ACOXL: variants seen among roughly 807,000 people sequenced by gnomAD.
The protein encoded by ACOXL is acyl-coenzyme A oxidase-like protein.
ACOXL carries 70 observed loss-of-function variants against 71.9 expected under a neutral mutation model. That is an observed-to-expected ratio of 0.97 (90% CI 0.80 to 1.19). ACOXL has a LOEUF of 1.19. Ranked by LOEUF, ACOXL falls within the 50% of genes most tolerant of loss-of-function variation. The pLI is 0.00. For synonymous variants in ACOXL, 253 were observed against 281.6 expected, an observed-to-expected ratio of 0.90 and a Z score of 1.02; for missense variants, 703 against 736.3, an observed-to-expected ratio of 0.95 and a Z score of 0.52.
At chr2:111,058,039 C>CT (rs2066635156) in intron 16 of ACOXL, among the ~76,000 whole-genome samples, 1 of 152,172 alleles carries the variant, frequency 6.6e-6, no homozygotes, top group Admixed American at 6.5e-5. Flanking sequence ...GTGCACAGCT[C>CT]TGGGGGCAGA....
intron 10 of ACOXL, among the ~76,000 whole-genome samples, chr2:110,903,507 C>T (rs2059326310): frequency 6.6e-6 from 1 of 152,218 alleles, no homozygotes; most frequent in Non-Finnish European, 1.5e-5. Flanking sequence ...GCACAAGCAC[C>T]ACTTTTTGAT....
chr2:110,914,630 T>C (rs1233310277), intron 11 of ACOXL, among the ~76,000 whole-genome samples: 1 of 152,192 alleles, frequency 6.6e-6, no homozygotes, highest in East Asian at 1.9e-4. Context: ...GTTTTACTTA[T>C]TTTTTCCAAT....
At chr2:110,763,599 T>C (rs1032294190) in intron 1 of ACOXL, among the ~76,000 whole-genome samples, 1 of 152,048 alleles carries the variant, frequency 6.6e-6, no homozygotes, top group Non-Finnish European at 1.5e-5. Flanking sequence ...TCCTAGGAGA[T>C]CTAGAAGAAA....
At chr2:111,019,853 CTTTCTT>C (rs1229523147) in intron 14 of ACOXL, among the ~76,000 whole-genome samples, 1 of 152,100 alleles carries the variant, frequency 6.6e-6, no homozygotes, top group African/African-American at 2.4e-5. Context: ...ACTGAATTCA[CTTTCTT>C]TTTCTTTTTC....
intron 12 of ACOXL, among the ~76,000 whole-genome samples, chr2:110,974,511 C>T (rs1345098989): frequency 6.6e-6 from 1 of 152,216 alleles, no homozygotes; most frequent in African/African-American, 2.4e-5. Flanking sequence ...CCCATTATAA[C>T]TTTCTTTTGC....
At chr2:111,101,783 G>C (rs1475380564) in intron 17 of ACOXL, 4 of 152,590 alleles carry the variant, frequency 2.6e-5, no homozygotes, top group Admixed American at 1.3e-4. Flanking sequence ...ACTGAAGCTG[G>C]CATGAGGTGT....
At chr2:110,984,277 A>T (rs1488989872) in intron 12 of ACOXL, among the ~76,000 whole-genome samples, 2 of 152,188 alleles carry the variant, frequency 1.3e-5, no homozygotes, top group African/African-American at 4.8e-5. Flanking sequence ...ACACACACAC[A>T]TATATACTAC....
intron 9 of ACOXL, among the ~76,000 whole-genome samples, chr2:110,823,604 C>T (rs1369594328): frequency 6.6e-6 from 1 of 152,148 alleles, no homozygotes; most frequent in Non-Finnish European, 1.5e-5. Context: ...GAGTGCTTGC[C>T]ATTCTGGGTC....
chr2:110,868,153 T>C (rs1388029547), intron 10 of ACOXL, among the ~76,000 whole-genome samples: 1 of 152,234 alleles, frequency 6.6e-6, no homozygotes. Context: ...ACGAATTTCA[T>C]GTAGTCAATG....
chr2:111,068,344 C>A (rs1488450891), intron 16 of ACOXL, among the ~76,000 whole-genome samples: 1 of 152,260 alleles, frequency 6.6e-6, no homozygotes, highest in African/African-American at 2.4e-5. Flanking sequence ...GAGGCTGGGG[C>A]CGGGTCACAG....
intron 3 of ACOXL, among the ~76,000 whole-genome samples, chr2:110,790,662 C>T (rs1008582629): frequency 3.3e-5 from 5 of 152,148 alleles, no homozygotes; most frequent in Non-Finnish European, 7.4e-5. Flanking sequence ...TGTCCTGTTC[C>T]CTGAGGTCTG....
At chr2:110,803,231 TAAAG>T (rs1035649105) in intron 8 of ACOXL, among the ~76,000 whole-genome samples, 3 of 152,082 alleles carry the variant, frequency 2.0e-5, no homozygotes, top group African/African-American at 7.2e-5. Flanking sequence ...ACAATCTTGA[TAAAG>T]AAGAACAAAG....
chr2:110,962,275 C>G (rs966239395), intron 12 of ACOXL, among the ~76,000 whole-genome samples: 2 of 152,260 alleles, frequency 1.3e-5, no homozygotes, highest in African/African-American at 4.8e-5. Context: ...GGAAATCACT[C>G]TGCGGCAGGA....
intron 11 of ACOXL, among the ~76,000 whole-genome samples, chr2:110,911,606 A>C (rs751038696): frequency 6.6e-6 from 1 of 151,932 alleles, no homozygotes; most frequent in South Asian, 2.1e-4. Context: ...AGAATATGTG[A>C]AAAAAAACAT....
chr2:110,951,623 T>C (rs1256978204), intron 12 of ACOXL, among the ~76,000 whole-genome samples: 1 of 152,240 alleles, frequency 6.6e-6, no homozygotes, highest in African/African-American at 2.4e-5. Flanking sequence ...GAAAAGCCTG[T>C]TTTACTCTTC....
At position 110,870,345 on chromosome 2, in the gene ACOXL, T is replaced by A. The variant is rs1390857926; in HGVS notation, c.788+28940T>A. Among the ~76,000 whole-genome samples the A allele has an allele frequency of 2.6e-5, 4 of 152,120 alleles. No homozygotes were observed. The East Asian group carries it at 7.7e-4, about 29-fold the overall frequency. On this transcript the variant is annotated intron_variant, in intron 10 of 17. Transcript: ENST00000439055. ...TTTTCAAGGGAAGCCCTAGACTTTT[T>A]TTTTTTTTTAAAGAAGTAAAATCTT...
At chr2:110,969,152 G>A (rs139954855) in intron 12 of ACOXL, among the ~76,000 whole-genome samples, 4 of 152,186 alleles carry the variant, frequency 2.6e-5, no homozygotes, top group South Asian at 2.1e-4. Flanking sequence ...ACATCAAAAC[G>A]TATGGGAGGC....
intron 9 of ACOXL, among the ~76,000 whole-genome samples, chr2:110,820,491 G>C (rs1040399552): frequency 2.0e-5 from 3 of 151,860 alleles, no homozygotes; most frequent in Non-Finnish European, 4.4e-5. Context: ...AGTTGAGGGT[G>C]CCCCAGCAGA....
chr2:111,085,993 C>T (rs1191518119), intron 16 of ACOXL, among the ~76,000 whole-genome samples: 1 of 152,146 alleles, frequency 6.6e-6, no homozygotes, highest in Non-Finnish European at 1.5e-5. Flanking sequence ...TGGACACACA[C>T]ATCCTCCCAA....
Sources: allele counts gnomAD v4.1 joint callset (sites outside exome capture counted in the v4.1 genomes callset), GRCh38; gene constraint gnomAD v4.1.1; transcripts MANE v1.5; gene names NCBI Gene and HGNC (gene_info 2026-07-23, HGNC 2026-07-21).